The following RARB variants were observed in gnomAD, a reference collection of about 807,000 sequenced individuals.
RARB encodes the protein HBV-activated protein.
Under a neutral mutation model 51.9 loss-of-function variants are expected in RARB, and 17 were observed. The ratio of observed to expected loss-of-function variants is 0.33; its 90% CI spans 0.22 to 0.49. RARB has a LOEUF of 0.49. Among genes scored for constraint, RARB ranks in the 20% least tolerant of loss-of-function variants. RARB has a pLI of 0.99. For missense variants in RARB, 369 were observed against 550.8 expected (o/e 0.67, Z 3.30); for synonymous variants, 215 against 195.4 (o/e 1.10, Z -0.84).
At chr3:24,980,363 G>GTT (rs1240174604) in intron 2 of RARB, among the ~76,000 whole-genome samples, 1 of 152,150 alleles carries the variant, frequency 6.6e-6, no homozygotes, top group Admixed American at 6.5e-5. Flanking sequence ...CCTGAAGGGT[G>GTT]TTTTCTAACT....
chr3:25,087,418 G>A (rs1478546809), intron 3 of RARB, among the ~76,000 whole-genome samples: 1 of 152,054 alleles, frequency 6.6e-6, no homozygotes, highest in East Asian at 1.9e-4. Context: ...GATTGTAGGT[G>A]GAAGAAGCCA....
chr3:25,548,608 A>G (rs1227304320), intron 3 of RARB, among the ~76,000 whole-genome samples: 1 of 145,916 alleles, frequency 6.9e-6, no homozygotes, highest in Non-Finnish European at 1.5e-5. Flanking sequence ...GATGATCTGA[A>G]TGGAACTTTG....
chr3:24,892,008 C>T (rs557541875), intron 2 of RARB, among the ~76,000 whole-genome samples: 16 of 151,962 alleles, frequency 1.1e-4, no homozygotes, highest in Non-Finnish European at 1.5e-4. Flanking sequence ...GCAGAGAATA[C>T]GGGTCCCGTG....
intron 2 of RARB, among the ~76,000 whole-genome samples, chr3:25,466,396 A>T (rs887184441): frequency 6.6e-6 from 1 of 152,150 alleles, no homozygotes; most frequent in Non-Finnish European, 1.5e-5. Context: ...GGGTTACTCC[A>T]TGTTGGTCAG....
chr3:25,168,366 A>C (rs964811046), intron 4 of RARB, among the ~76,000 whole-genome samples: 2 of 152,108 alleles, frequency 1.3e-5, no homozygotes, highest in Admixed American at 1.3e-4. Flanking sequence ...CTGGGATTAC[A>C]GGCAGGTGCC....
At chr3:24,882,445 A>C (rs1249652307) in intron 2 of RARB, among the ~76,000 whole-genome samples, 1 of 152,236 alleles carries the variant, frequency 6.6e-6, no homozygotes, top group Non-Finnish European at 1.5e-5. Context: ...AAGGGTAGGC[A>C]TAGGTGACAC....
chr3:25,183,220 C>T (rs1404855795), intron 5 of RARB, among the ~76,000 whole-genome samples: 1 of 152,082 alleles, frequency 6.6e-6, no homozygotes, highest in Non-Finnish European at 1.5e-5. Flanking sequence ...ACTTTCTTTT[C>T]CTACTTCATG....
At position 25,468,552 on chromosome 3, in the gene RARB, T is replaced by C. The variant is rs1452600264; in HGVS notation, c.306+7211T>C. ...AGAGCTGGGATTCAAATCCTTTTCC[T>C]GTTAAAAAAAACACCCCACTGCTTC... is the stretch of plus-strand genomic sequence containing the variant. On this transcript the variant is annotated intron_variant, in intron 2 of 7. Transcript: ENST00000330688. 4.6e-5 allele frequency among the ~76,000 whole-genome samples: 5 copies of C among 108,328 alleles called. No homozygotes were observed. The East Asian group carries it at 1.1e-3, about 25-fold the overall frequency. The allele number at this position is 108,328 out of a possible 152,430, so 71.1% of individuals were successfully genotyped here. A position where few individuals can be genotyped will look rare whatever the true frequency, so the allele number is the denominator to read the frequency against.
intron 2 of RARB, among the ~76,000 whole-genome samples, chr3:25,482,562 C>T (rs1263378168): frequency 1.7e-4 from 14 of 82,088 alleles, no homozygotes; most frequent in African/African-American, 8.4e-4. Context: ...TTTTTTGAGA[C>T]GGAGTCTCTC....
chr3:24,895,658 G>A (rs1703463413), intron 2 of RARB, among the ~76,000 whole-genome samples: 1 of 151,316 alleles, frequency 6.6e-6, no homozygotes. Flanking sequence ...CTTTCACCCA[G>A]GCTGGGTCTT....
At chr3:24,909,468 T>G (rs187117370) in intron 2 of RARB, among the ~76,000 whole-genome samples, 1 of 151,980 alleles carries the variant, frequency 6.6e-6, no homozygotes, top group African/African-American at 2.4e-5. Flanking sequence ...AAGAACAGAG[T>G]GTGCACACGA....
chr3:25,149,545 G>A (rs1212212996), intron 4 of RARB, among the ~76,000 whole-genome samples: 1 of 152,188 alleles, frequency 6.6e-6, no homozygotes, highest in Admixed American at 6.5e-5. Context: ...AGGATATGGT[G>A]CAATCAAGTC....
At chr3:24,900,218 G>A (rs148748513) in intron 2 of RARB, among the ~76,000 whole-genome samples, 12 of 152,294 alleles carry the variant, frequency 7.9e-5, no homozygotes, top group East Asian at 7.7e-4. Flanking sequence ...TGTCTGCAGC[G>A]TGTGTAACTC....
intron 2 of RARB, among the ~76,000 whole-genome samples, chr3:24,879,811 G>C (rs112338680): frequency 6.6e-6 from 1 of 152,086 alleles, no homozygotes; most frequent in Non-Finnish European, 1.5e-5. Context: ...TTTTCACCAG[G>C]ATTCAAGATG....
chr3:25,258,547 C>T (rs182548281), intron 5 of RARB, among the ~76,000 whole-genome samples: 116 of 152,162 alleles, frequency 7.6e-4, no homozygotes, highest in Non-Finnish European at 1.5e-3. Context: ...AGGGGAGTAC[C>T]AACCCTGAAG....
At chr3:25,093,932 G>A (rs1559463929) in intron 3 of RARB, among the ~76,000 whole-genome samples, 2 of 152,122 alleles carry the variant, frequency 1.3e-5, no homozygotes, top group African/African-American at 2.4e-5. Flanking sequence ...ACTGATTTGA[G>A]TCATAATAAA....
intron 5 of RARB, among the ~76,000 whole-genome samples, chr3:25,586,095 C>T (rs1223485611): frequency 6.6e-6 from 1 of 152,168 alleles, no homozygotes; most frequent in Non-Finnish European, 1.5e-5. Flanking sequence ...GCTATATCAC[C>T]TCGTGGCACT....
intron 2 of RARB, among the ~76,000 whole-genome samples, chr3:25,011,960 G>A (rs1697407970): frequency 6.6e-6 from 1 of 152,050 alleles, no homozygotes; most frequent in Admixed American, 6.6e-5. Flanking sequence ...GGTCATAAAG[G>A]GATTCTGATA....
At chr3:25,301,093 T>C (rs942266942) in intron 5 of RARB, among the ~76,000 whole-genome samples, 8 of 152,240 alleles carry the variant, frequency 5.3e-5, no homozygotes. Context: ...TGAGAAACAT[T>C]CGGATTTATG....
Sources: gnomAD v4.1 joint callset for allele counts (sites outside exome capture counted in the v4.1 genomes callset) on GRCh38, gnomAD v4.1.1 for gene constraint, MANE v1.5 for transcripts, NCBI Gene and HGNC (gene_info 2026-07-23, HGNC 2026-07-21) for gene names.